PPP2R5C: variants seen among roughly 807,000 people sequenced by gnomAD.
The protein encoded by PPP2R5C is protein phosphatase 2 regulatory subunit B'gamma.
PPP2R5C carries 7 observed loss-of-function variants against 68.9 expected under a neutral mutation model. The observed-to-expected ratio is 0.10, with a 90% CI of 0.06 to 0.19. The LOEUF is 0.19. PPP2R5C is among the 10% of genes least tolerant of loss of function. The probability of loss-of-function intolerance (pLI) is 1.00; values close to 1 mark genes in which losing one functional copy is unlikely to be tolerated. For missense variants in PPP2R5C, 348 were observed against 641.3 expected (o/e 0.54, Z 4.94); for synonymous variants, 210 against 222.2 (o/e 0.95, Z 0.49).
intron 1 of PPP2R5C, among the ~76,000 whole-genome samples, chr14:101,851,925 T>G (rs1177046291): frequency 6.6e-6 from 1 of 152,188 alleles, no homozygotes; most frequent in Admixed American, 6.5e-5. Flanking sequence ...TGGCTAAGCA[T>G]GTATGTCACA....
intron 2 of PPP2R5C, among the ~76,000 whole-genome samples, chr14:101,763,999 C>G (rs2036706663): frequency 1.4e-5 from 2 of 146,650 alleles, no homozygotes; most frequent in African/African-American, 5.2e-5. Context: ...TATTATTGTT[C>G]ACATTGTGTG....
intron 2 of PPP2R5C, among the ~76,000 whole-genome samples, chr14:101,863,131 A>T (rs1752973441): frequency 6.6e-6 from 1 of 152,024 alleles, no homozygotes; most frequent in African/African-American, 2.4e-5. Flanking sequence ...AACATGGTGA[A>T]ACCCTGTCTC....
chr14:101,771,264 T>TGTGTGTGTGTGTG (rs2037137368), intron 2 of PPP2R5C, among the ~76,000 whole-genome samples: 1 of 148,836 alleles, frequency 6.7e-6, no homozygotes. Flanking sequence ...TGTGTGTGTG[T>TGTGTGTGTGTGTG]ATTTTTTTGA....
chr14:101,780,608 G>C (rs2037630202), intron 2 of PPP2R5C, among the ~76,000 whole-genome samples: 1 of 152,142 alleles, frequency 6.6e-6, no homozygotes, highest in Non-Finnish European at 1.5e-5. Context: ...CTGGTTCCCT[G>C]CGTCCAGATC....
chr14:101,786,709 T>A (rs2038103498), intron 3 of PPP2R5C, among the ~76,000 whole-genome samples: 1 of 152,106 alleles, frequency 6.6e-6, no homozygotes, highest in Non-Finnish European at 1.5e-5. Context: ...TACTTTGAAT[T>A]TCCCCCCAAA....
At chr14:101,926,524 C>G (rs1382810224) in exon 14 of PPP2R5C, 1 of 152,572 alleles carries the variant, frequency 6.6e-6, no homozygotes, top group Non-Finnish European at 1.5e-5. Context: ...TTTGTCTATT[C>G]TTTATTTCTC....
At chr14:101,839,350 C>CA (rs35411182) in intron 1 of PPP2R5C, 63 of 140,812 alleles carry the variant, frequency 4.5e-4, no homozygotes, top group East Asian at 6.2e-4. Flanking sequence ...ACTCTGTCTC[C>CA]AAAAAAAAAA....
rs1046958619 is a variant in PPP2R5C at position 101,877,376 on chromosome 14, C to T, written c.295-4785C>T. Among the ~76,000 whole-genome samples, 1 of 152,162 alleles carries T rather than the reference C, an allele frequency of 6.6e-6. No homozygotes were observed. Among genetic ancestry groups the T allele is most frequent in the Admixed American group, 6.5e-5 (1 of 15,282 alleles). On this transcript the variant is annotated intron_variant, in intron 2 of 13. Transcript: ENST00000334743. The surrounding 1 kb of genome is among the most constrained non-coding windows in gnomAD (Gnocchi z 4.2). ...AGGCTGTGCTGCCTTTGTTGGGCAG[C>T]GTGATTCTGCGTCTGTGCCTCTGGG...
At chr14:101,883,801 A>G (rs1362048859) in intron 5 of PPP2R5C, among the ~76,000 whole-genome samples, 1 of 152,078 alleles carries the variant, frequency 6.6e-6, no homozygotes, top group Non-Finnish European at 1.5e-5. Flanking sequence ...CAAGCTCCCC[A>G]GCGCCTCATC....
intron 5 of PPP2R5C, among the ~76,000 whole-genome samples, chr14:101,884,107 G>C (rs1036873569): frequency 6.6e-6 from 1 of 152,204 alleles, no homozygotes; most frequent in African/African-American, 2.4e-5. Flanking sequence ...CAAACCACTG[G>C]TGTAGGTCCA....
At chr14:101,901,369 G>A (rs1207821585) in intron 8 of PPP2R5C, among the ~76,000 whole-genome samples, 1 of 152,122 alleles carries the variant, frequency 6.6e-6, no homozygotes, top group African/African-American at 2.4e-5. Flanking sequence ...TTTCTGAAGT[G>A]TATAAAATTA....
chr14:101,851,813 CT>C (rs974273268), intron 1 of PPP2R5C, among the ~76,000 whole-genome samples: 59 of 152,142 alleles, frequency 3.9e-4, no homozygotes, highest in African/African-American at 1.3e-3. Context: ...GGCTTGGCTT[CT>C]TTTTTTCAAT....
intron 2 of PPP2R5C, among the ~76,000 whole-genome samples, chr14:101,866,876 G>A (rs2043102750): frequency 6.6e-6 from 1 of 152,094 alleles, no homozygotes; most frequent in Admixed American, 6.6e-5. Flanking sequence ...GAGATCAGGA[G>A]TTGGAGACCA....
At chr14:101,857,139 C>T (rs934693671) in intron 2 of PPP2R5C, among the ~76,000 whole-genome samples, 1 of 152,104 alleles carries the variant, frequency 6.6e-6, no homozygotes, top group African/African-American at 2.4e-5. Context: ...TCACAACTAC[C>T]CTATGGAGTA....
intron 3 of PPP2R5C, among the ~76,000 whole-genome samples, chr14:101,802,085 G>A (rs1197134351): frequency 6.6e-6 from 1 of 152,168 alleles, no homozygotes; most frequent in East Asian, 1.9e-4. Flanking sequence ...TCAACAAATG[G>A]TGTTGGGAAA....
chr14:101,861,998 G>T (rs887754603), intron 2 of PPP2R5C, among the ~76,000 whole-genome samples: 1 of 152,106 alleles, frequency 6.6e-6, no homozygotes, highest in East Asian at 1.9e-4. Flanking sequence ...CTGCAGCCTC[G>T]AACTTCTGGG....
Position 101,898,371 on chromosome 14 carries a change from ACTGT to A in PPP2R5C, c.853-3342_853-3339del, listed in dbSNP as rs1028212789. ...TCCCAGCATCTCTATCCCGCCATCC[ACTGT>A]CTGTCAGCCTGACCCTAACCTTCTC... On this transcript the variant is annotated intron_variant, in intron 8 of 13. Transcript: ENST00000334743. Among the ~76,000 whole-genome samples the A allele has an allele frequency of 5.3e-5, 8 of 152,130 alleles. No individual in the cohort carries two copies. In the East Asian group the frequency reaches 7.7e-4, roughly 15 times the overall value.
At chr14:101,912,959 C>T (rs1456435302) in intron 12 of PPP2R5C, among the ~76,000 whole-genome samples, 4 of 152,248 alleles carry the variant, frequency 2.6e-5, no homozygotes, top group Non-Finnish European at 4.4e-5. Context: ...AATTCTGCCA[C>T]ATTAGCAGCC....
At chr14:101,778,384 T>C (rs2037522272) in intron 2 of PPP2R5C, among the ~76,000 whole-genome samples, 4 of 152,226 alleles carry the variant, frequency 2.6e-5, no homozygotes, top group African/African-American at 9.6e-5. Context: ...GATAGTATCC[T>C]TTGCACAAAA....
Sources: allele counts gnomAD v4.1 joint callset (sites outside exome capture counted in the v4.1 genomes callset), GRCh38; gene constraint gnomAD v4.1.1; non-coding constraint Gnocchi (gnomAD v3.1); transcripts MANE v1.5; gene names NCBI Gene and HGNC (gene_info 2026-07-23, HGNC 2026-07-21).